The following RILPL2 variants were observed in gnomAD, a reference collection of about 807,000 sequenced individuals.
The protein encoded by RILPL2 is RILP-like protein 2.
In RILPL2, 19 loss-of-function variants were observed where a neutral mutation model predicts 22.2. The ratio of observed to expected loss-of-function variants is 0.86; its 90% CI spans 0.60 to 1.25. The LOEUF (loss-of-function observed/expected upper bound fraction) is 1.25, where lower values mean the gene tolerates loss of function less well. RILPL2 is among the 50% of genes most tolerant of loss of function. The pLI, the probability that RILPL2 is intolerant of heterozygous loss-of-function variation, is 0.00. For synonymous variants in RILPL2, 123 were observed against 111.6 expected, an observed-to-expected ratio of 1.10 and a Z score of -0.64; for missense variants, 243 against 263.6, an observed-to-expected ratio of 0.92 and a Z score of 0.54.
downstream of RILPL2, chr12:123,412,828 C>G (rs187673060): frequency 1.3e-5 from 2 of 152,254 alleles, no homozygotes; most frequent in African/African-American, 4.8e-5. Context: ...GCTCCGCGCC[C>G]GGGCCTTGGA....
rs774013426 is a variant in RILPL2, at chr12:123,436,142, C to T, written c.279G>A (p.Arg93=). 8 of 1,601,284 alleles carry T rather than the reference C, an allele frequency of 5.0e-6. No homozygotes were observed. The Admixed American group carries it at 8.6e-5, about 17-fold the overall frequency. Residue 93 remains arginine (R), a synonymous_variant, in exon 1 of 4, where the codon AGG becomes AGA. Coordinates refer to ENST00000280571, the MANE Select transcript of RILPL2 (RefSeq NM_145058.3). The surrounding 1 kb of genome is among the most constrained non-coding windows in gnomAD (Gnocchi z 6.7). ...SLALEELKME[R]DHLRKEVEGL... ...CCTCCACCTCCTTCCTGAGGTGGTC[C>T]CTCTCCATCTTCAGCTCCTCCAGCG...
intron 3 of RILPL2, among the ~76,000 whole-genome samples, chr12:123,418,759 T>TC (rs1356561299): frequency 1.2e-4 from 17 of 140,574 alleles, no homozygotes; most frequent in African/African-American, 1.8e-4. Flanking sequence ...TTTCTTTCTT[T>TC]TTTTTTTTTT....
At chr12:123,425,927 C>G (rs1025977228) in intron 2 of RILPL2, among the ~76,000 whole-genome samples, 3 of 152,094 alleles carry the variant, frequency 2.0e-5, no homozygotes. Context: ...GCTGGGATTA[C>G]AGGCGTGAGC....
intron 3 of RILPL2, among the ~76,000 whole-genome samples, chr12:123,421,604 C>T (rs1879284213): frequency 6.6e-6 from 1 of 151,944 alleles, no homozygotes; most frequent in African/African-American, 2.4e-5. Flanking sequence ...TGCCCCTTGC[C>T]CTCTGCCCCT....
chr12:123,423,426 C>A (rs548017890), intron 2 of RILPL2, among the ~76,000 whole-genome samples: 1 of 151,756 alleles, frequency 6.6e-6, no homozygotes, highest in African/African-American at 2.4e-5. Context: ...GTCTCAAACT[C>A]TTGACCTCAA....
chr12:123,424,102 T>C (rs1029141212), intron 2 of RILPL2, among the ~76,000 whole-genome samples: 2 of 152,172 alleles, frequency 1.3e-5, no homozygotes, highest in Non-Finnish European at 2.9e-5. Context: ...CCTCAAAGGA[T>C]TGAGAGATTA....
chr12:123,415,970 A>AG, intron 3 of RILPL2, 49 bp from the exon 4 acceptor site: 1 of 1,596,342 alleles, frequency 6.3e-7, no homozygotes, highest in Non-Finnish European at 8.6e-7. Context: ...GAACAAAGCA[A>AG]GGGGCACAGC....
At chr12:123,425,369 G>T (rs892365447) in intron 2 of RILPL2, among the ~76,000 whole-genome samples, 1 of 151,504 alleles carries the variant, frequency 6.6e-6, no homozygotes, top group African/African-American at 2.4e-5. Flanking sequence ...AGTAGAGACG[G>T]GGTTTCACCA....
intron 1 of RILPL2, among the ~76,000 whole-genome samples, chr12:123,432,244 G>A (rs776368141): frequency 2.0e-5 from 3 of 152,128 alleles, no homozygotes; most frequent in Non-Finnish European, 2.9e-5. Flanking sequence ...AGTGGCTCAC[G>A]CCTGTAACCC....
downstream of RILPL2, chr12:123,411,046 A>T (rs28720681): frequency 0.16 from 24,131 of 148,272 alleles, 2,133 homozygotes; most frequent in Middle Eastern, 0.27. Context: ...TTATTTATTT[A>T]TTTTTTTTTT....
At chr12:123,433,415 G>T (rs1283426026) in intron 1 of RILPL2, among the ~76,000 whole-genome samples, 1 of 150,010 alleles carries the variant, frequency 6.7e-6, no homozygotes, top group Non-Finnish European at 1.5e-5. Flanking sequence ...TGTATACTTG[G>T]TGTTTGTTTG....
chr12:123,413,818 A>T (rs1438390790), downstream of RILPL2: 3 of 152,214 alleles, frequency 2.0e-5, no homozygotes, highest in Non-Finnish European at 2.9e-5. Flanking sequence ...TCCCCACCAG[A>T]TTAGCTAGAT....
In RILPL2 at chr12:123,415,901, T is replaced by A; in HGVS notation, c.626A>T (p.Lys209Ile). Reference sequence around the variant, plus strand: ...CTTGTGGCCTTGGATCTAGGTCTGTTTCCCCGATCGAAAAAAGAACCTGGT... The same window carrying A: ...CTTGTGGCCTTGGATCTAGGTCTGTATCCCCGATCGAAAAAAGAACCTGGT... ...IKKLFFFRSG[K>I]QT The change falls in exon 4 of 4, where the codon AAA becomes ATA. Residue 209 changes from lysine (K) to isoleucine (I), a missense_variant. Lys to Ile is a moderately radical substitution (Grantham distance 102, BLOSUM62 -3). Coordinates refer to ENST00000280571, the MANE Select transcript of RILPL2 (RefSeq NM_145058.3). 6.2e-7 allele frequency: 1 copy of A among 1,614,170 alleles called. No individual in the cohort carries two copies. The highest frequency in any genetic ancestry group is 8.5e-7 in the Non-Finnish European group (1 of 1,180,024).
At chr12:123,410,087 T>G (rs1052463527), downstream of RILPL2, among the ~76,000 whole-genome samples, 2 of 151,848 alleles carry the variant, frequency 1.3e-5, no homozygotes, top group African/African-American at 2.4e-5. Flanking sequence ...ACCTTAATGA[T>G]CCACCCGCCT....
chr12:123,409,550 C>CTTTTTT, the RILPL2 span, among the ~76,000 whole-genome samples: 1 of 122,186 alleles, frequency 8.2e-6, no homozygotes, highest in African/African-American at 3.0e-5. Context: ...AAAGTTAATG[C>CTTTTTT]TTTTTTTTTT....
At chr12:123,422,987 G>T (rs746665150) in intron 3 of RILPL2, 57 bp downstream of exon 3, 4 of 1,284,342 alleles carry the variant, frequency 3.1e-6, no homozygotes, top group Non-Finnish European at 3.4e-6. Context: ...TCTTGCCCCC[G>T]ACTACTTCCT....
chr12:123,410,468 T>C (rs962545787), downstream of RILPL2, among the ~76,000 whole-genome samples: 1 of 152,148 alleles, frequency 6.6e-6, no homozygotes, highest in Non-Finnish European at 1.5e-5. Flanking sequence ...TCTCTGAAAC[T>C]TGTCTCAAAT....
intron 3 of RILPL2, among the ~76,000 whole-genome samples, chr12:123,417,204 T>G (rs1018608396): frequency 2.7e-5 from 4 of 149,552 alleles, no homozygotes; most frequent in African/African-American, 9.9e-5. Context: ...GAGGCTGAGG[T>G]GGGAGGATCG....
chr12:123,414,670 C>T, downstream of RILPL2: 1 of 153,976 alleles, frequency 6.5e-6, no homozygotes, highest in South Asian at 2.0e-4. Context: ...AGCACGCTGT[C>T]ACCTCTCACC....
Sources: allele counts gnomAD v4.1 joint callset (sites outside exome capture counted in the v4.1 genomes callset), GRCh38; gene constraint gnomAD v4.1.1; non-coding constraint Gnocchi (gnomAD v3.1); transcripts MANE v1.5; gene names NCBI Gene and HGNC (gene_info 2026-07-23, HGNC 2026-07-21).